GPC6: variants seen among roughly 807,000 people sequenced by gnomAD.
The protein encoded by GPC6 is glypican 6, also known as glypican-6.
GPC6 carries 14 observed loss-of-function variants against 55.2 expected under a neutral mutation model. That is an observed-to-expected ratio of 0.25 (90% CI 0.17 to 0.40). The LOEUF is 0.40. Among genes scored for constraint, GPC6 ranks in the 10% least tolerant of loss-of-function variants. GPC6 has a pLI of 1.00. For synonymous variants in GPC6, 278 were observed against 259.6 expected (o/e 1.07, Z -0.68); for missense variants, 641 against 708.5 (o/e 0.90, Z 1.08).
At chr13:93,935,281 G>A (rs930658422) in intron 3 of GPC6, among the ~76,000 whole-genome samples, 1 of 151,932 alleles carries the variant, frequency 6.6e-6, no homozygotes, top group Non-Finnish European at 1.5e-5. Flanking sequence ...CCCCACTTTT[G>A]GAGTTCCCAT....
intron 6 of GPC6, among the ~76,000 whole-genome samples, chr13:94,362,764 C>T (rs1382009414): frequency 6.6e-6 from 1 of 152,156 alleles, no homozygotes; most frequent in Non-Finnish European, 1.5e-5. Context: ...CTCAAAGTTA[C>T]AGTAAATCAA....
chr13:93,506,781 C>A (rs1395759496), intron 1 of GPC6, among the ~76,000 whole-genome samples: 3 of 149,756 alleles, frequency 2.0e-5, no homozygotes, highest in Non-Finnish European at 4.4e-5. Flanking sequence ...TGGCTCACAC[C>A]TGTAATCCCG....
chr13:93,806,943 T>C (rs1349517387), intron 2 of GPC6, among the ~76,000 whole-genome samples: 1 of 151,382 alleles, frequency 6.6e-6, no homozygotes, highest in Admixed American at 6.6e-5. Context: ...ACCTTACCAA[T>C]GTGAAATATA....
chr13:93,871,189 G>C (rs918703009), intron 3 of GPC6, among the ~76,000 whole-genome samples: 2 of 151,862 alleles, frequency 1.3e-5, no homozygotes, highest in African/African-American at 4.8e-5. Context: ...TCTGAATTCT[G>C]ACTTTGTCAC....
intron 2 of GPC6, among the ~76,000 whole-genome samples, chr13:93,707,132 A>T (rs1882879893): frequency 1.3e-5 from 2 of 151,830 alleles, no homozygotes; most frequent in Admixed American, 6.6e-5. Flanking sequence ...ATTTAAAAAA[A>T]TCTATCATTT....
chr13:93,941,161 A>G (rs1189967004), intron 3 of GPC6, among the ~76,000 whole-genome samples: 4 of 152,222 alleles, frequency 2.6e-5, no homozygotes, highest in South Asian at 2.1e-4. Context: ...GACAGCCTAT[A>G]GAAAACTTTT....
At chr13:94,023,002 T>C (rs750112804) in intron 3 of GPC6, among the ~76,000 whole-genome samples, 3 of 152,094 alleles carry the variant, frequency 2.0e-5, no homozygotes, top group Non-Finnish European at 2.9e-5. Context: ...ATTTCCCAGT[T>C]TACTATGACT....
At chr13:93,550,436 C>T (rs1251107106) in intron 2 of GPC6, among the ~76,000 whole-genome samples, 1 of 151,808 alleles carries the variant, frequency 6.6e-6, no homozygotes, top group Non-Finnish European at 1.5e-5. Context: ...TACATATGTC[C>T]AGAAATTTTG....
intron 4 of GPC6, among the ~76,000 whole-genome samples, chr13:94,190,508 G>C (rs1019308896): frequency 6.6e-6 from 1 of 152,142 alleles, no homozygotes; most frequent in African/African-American, 2.4e-5. Flanking sequence ...AATTGCTCCA[G>C]ATTGAGGGAC....
chr13:93,559,982 G>T (rs1359310327), intron 2 of GPC6, among the ~76,000 whole-genome samples: 1 of 152,258 alleles, frequency 6.6e-6, no homozygotes, highest in East Asian at 1.9e-4. Context: ...GGCATCACCT[G>T]CACACCTAAA....
rs114236097 is a variant in GPC6, at chr13:93,227,656, G to A, written c.160+40G>A. The A allele has an allele frequency of 1.6e-3, 2,477 of 1,533,436 alleles. 28 individuals are homozygous for A. The highest frequency in any genetic ancestry group is 0.016 in the African/African-American group (1,177 of 73,182). The allele number at this position is 1,533,436 out of a possible 1,614,324, so 95.0% of individuals were successfully genotyped here. A position where few individuals can be genotyped will look rare whatever the true frequency, so the allele number is the denominator to read the frequency against. ...GCTGCAGGGGCAGGCTGCAGCCCTCGGCTGCCGCACGTCCCACTGGCCGCC... is the reference window on the plus strand; with the variant it reads ...GCTGCAGGGGCAGGCTGCAGCCCTCAGCTGCCGCACGTCCCACTGGCCGCC... On this transcript the variant is annotated intron_variant, in intron 1 of 8. Transcript: ENST00000377047. The surrounding 1 kb of genome is among the most constrained non-coding windows in gnomAD (Gnocchi z 4.3).
intron 3 of GPC6, among the ~76,000 whole-genome samples, chr13:93,864,573 A>G (rs1383791935): frequency 6.6e-6 from 1 of 151,714 alleles, no homozygotes; most frequent in African/African-American, 2.4e-5. Flanking sequence ...TGCACTCCAG[A>G]GGATGTAACA....
chr13:93,952,802 T>C (rs752029193), intron 3 of GPC6, among the ~76,000 whole-genome samples: 3 of 148,756 alleles, frequency 2.0e-5, no homozygotes, highest in Non-Finnish European at 3.0e-5. Context: ...TATTGAGATA[T>C]AGGTATACAC....
chr13:93,474,192 C>T (rs895134490), intron 1 of GPC6, among the ~76,000 whole-genome samples: 2 of 152,118 alleles, frequency 1.3e-5, no homozygotes, highest in Admixed American at 6.5e-5. Context: ...GGTTGTAGTC[C>T]TGATGTCAGA....
chr13:93,441,426 T>C (rs890015841), intron 1 of GPC6, among the ~76,000 whole-genome samples: 5 of 152,194 alleles, frequency 3.3e-5, no homozygotes, highest in African/African-American at 4.8e-5. Context: ...GGTTTTGATT[T>C]GCATTTCTCT....
At position 94,370,485 on chromosome 13, in the gene GPC6, A is replaced by C. The variant is rs1027567242; in HGVS notation, c.1153-11929A>C. ...TTGCATTCCCAGAGTCTACTATAAA[A>C]CCTGTCTTATAAAAGGCACGTTAGA... On this transcript the variant is annotated intron_variant, in intron 6 of 8. Coordinates refer to ENST00000377047, the MANE Select transcript of GPC6 (RefSeq NM_005708.5). Among the ~76,000 whole-genome samples the C allele has an allele frequency of 2.0e-5, 3 of 152,196 alleles. No individual in the cohort carries two copies. In the South Asian group the frequency reaches 6.2e-4, roughly 32 times the overall value.
intron 4 of GPC6, among the ~76,000 whole-genome samples, chr13:94,140,940 A>G (rs1414863665): frequency 6.6e-6 from 1 of 151,932 alleles, no homozygotes; most frequent in Non-Finnish European, 1.5e-5. Context: ...ATATTACGGT[A>G]ATATATAAAT....
chr13:94,169,992 T>C (rs1351272111), intron 4 of GPC6, among the ~76,000 whole-genome samples: 1 of 152,164 alleles, frequency 6.6e-6, no homozygotes, highest in African/African-American at 2.4e-5. Flanking sequence ...CTTTCACCTG[T>C]CACAGTTTCA....
intron 4 of GPC6, among the ~76,000 whole-genome samples, chr13:94,072,085 C>T (rs898547869): frequency 6.6e-6 from 1 of 152,076 alleles, no homozygotes. Context: ...CCTCTGAAGA[C>T]GTGTAGACAA....
Sources: allele counts gnomAD v4.1 joint callset (sites outside exome capture counted in the v4.1 genomes callset), GRCh38; gene constraint gnomAD v4.1.1; non-coding constraint Gnocchi (gnomAD v3.1); transcripts MANE v1.5; gene names NCBI Gene and HGNC (gene_info 2026-07-23, HGNC 2026-07-21).